The following RBFOX1 variants were observed in gnomAD, a reference collection of about 807,000 sequenced individuals.
RBFOX1 encodes the protein RNA binding protein fox-1 homolog 1.
In RBFOX1, 8 loss-of-function variants were observed where a neutral mutation model predicts 57.7. The ratio of observed to expected loss-of-function variants is 0.14; its 90% CI spans 0.08 to 0.25. The LOEUF is 0.25. Among genes scored for constraint, RBFOX1 ranks in the 10% least tolerant of loss-of-function variants. The pLI is 1.00. For missense variants in RBFOX1, 611 were observed against 548.5 expected (o/e 1.11, Z -1.14); for synonymous variants, 326 against 222.4 (o/e 1.47, Z -4.15).
intron 10 of RBFOX1, chr16:7,614,945 C>G (rs2058180336): frequency 6.6e-6 from 1 of 152,160 alleles, no homozygotes; most frequent in Admixed American, 6.5e-5. Context: ...AGTTTCAACC[C>G]CATGTTTTTT....
At chr16:7,312,993 G>C (rs1354397641) in intron 4 of RBFOX1, among the ~76,000 whole-genome samples, 1 of 152,090 alleles carries the variant, frequency 6.6e-6, no homozygotes, top group Non-Finnish European at 1.5e-5. Flanking sequence ...CGGGGAAGCT[G>C]ACACGTGCAT....
intron 3 of RBFOX1, among the ~76,000 whole-genome samples, chr16:6,847,472 T>C (rs1352080261): frequency 6.6e-6 from 1 of 151,836 alleles, no homozygotes; most frequent in African/African-American, 2.4e-5. Context: ...CCACAGGGGG[T>C]GGGCTGGAAT....
intron 4 of RBFOX1, among the ~76,000 whole-genome samples, chr16:5,944,255 A>G (rs1243719423): frequency 1.3e-5 from 2 of 152,234 alleles, no homozygotes; most frequent in Non-Finnish European, 2.9e-5. Flanking sequence ...TGCACTGTGT[A>G]AGTTCAATCT....
At chr16:5,402,182 CTG>C (rs1225158100) in intron 1 of RBFOX1, among the ~76,000 whole-genome samples, 7 of 152,126 alleles carry the variant, frequency 4.6e-5, no homozygotes, top group Admixed American at 4.6e-4. Context: ...GAGAGGGACT[CTG>C]TGACAGGCTG....
At chr16:6,951,828 G>A (rs1051636375) in intron 3 of RBFOX1, among the ~76,000 whole-genome samples, 1 of 152,228 alleles carries the variant, frequency 6.6e-6, no homozygotes, top group East Asian at 1.9e-4. Context: ...CCGCCTCCTG[G>A]GTTCAAGCGA....
At chr16:5,535,857 T>C (rs2044672396) in intron 2 of RBFOX1, among the ~76,000 whole-genome samples, 1 of 152,168 alleles carries the variant, frequency 6.6e-6, no homozygotes, top group Admixed American at 6.5e-5. Context: ...TACTATCTAA[T>C]TTGGGCTACT....
At chr16:5,503,183 C>G (rs996786581) in intron 2 of RBFOX1, among the ~76,000 whole-genome samples, 1 of 152,158 alleles carries the variant, frequency 6.6e-6, no homozygotes, top group African/African-American at 2.4e-5. Context: ...GAATTAACAT[C>G]TCTGTGCCAC....
At chr16:7,070,305 G>A (rs562576785) in intron 4 of RBFOX1, among the ~76,000 whole-genome samples, 1 of 152,266 alleles carries the variant, frequency 6.6e-6, no homozygotes, top group East Asian at 1.9e-4. Flanking sequence ...TTTGCAGGTT[G>A]CTTTTAACAA....
At chr16:7,386,490 C>G (rs1239872331) in intron 4 of RBFOX1, among the ~76,000 whole-genome samples, 3 of 146,492 alleles carry the variant, frequency 2.0e-5, no homozygotes, top group African/African-American at 7.5e-5. Context: ...ATTTTCTGTT[C>G]TTGTGTTAGT....
At chr16:5,951,173 C>T (rs1270293806) in intron 4 of RBFOX1, among the ~76,000 whole-genome samples, 1 of 152,148 alleles carries the variant, frequency 6.6e-6, no homozygotes, top group Non-Finnish European at 1.5e-5. Flanking sequence ...TTTGGCCGGG[C>T]ACAGTGGCTC....
intron 1 of RBFOX1, among the ~76,000 whole-genome samples, chr16:6,212,295 A>G (rs190125385): frequency 4.7e-4 from 71 of 152,346 alleles, no homozygotes; most frequent in African/African-American, 1.7e-3. Context: ...AGAATTGTAT[A>G]TAGACACATT....
intron 4 of RBFOX1, among the ~76,000 whole-genome samples, chr16:7,236,906 C>T (rs145002430): frequency 1.3e-5 from 2 of 152,206 alleles, no homozygotes; most frequent in Admixed American, 1.3e-4. Flanking sequence ...GGGAGGATTT[C>T]TAGCAACATT....
intron 1 of RBFOX1, chr16:5,366,664 C>G (rs1426411180): frequency 4.6e-6 from 2 of 431,720 alleles, no homozygotes; most frequent in Non-Finnish European, 8.8e-6. Flanking sequence ...TATTCCCGAT[C>G]TCTGGCAGTG....
chr16:6,735,352 A>G (rs577750501), intron 3 of RBFOX1, among the ~76,000 whole-genome samples: 2 of 152,378 alleles, frequency 1.3e-5, no homozygotes, highest in African/African-American at 4.8e-5. Flanking sequence ...TAGTGCCGTC[A>G]GCTAGGGAGC....
intron 2 of RBFOX1, among the ~76,000 whole-genome samples, chr16:6,651,302 C>T (rs2098593471): frequency 6.6e-6 from 1 of 152,200 alleles, no homozygotes; most frequent in Admixed American, 6.5e-5. Flanking sequence ...TGCAACGGCC[C>T]CAGGTCGCCA....
intron 3 of RBFOX1, among the ~76,000 whole-genome samples, chr16:6,788,577 G>T (rs975259697): frequency 6.6e-6 from 1 of 151,824 alleles, no homozygotes; most frequent in Non-Finnish European, 1.5e-5. Flanking sequence ...CTGGGTTCAC[G>T]CCATTCTCCT....
At chr16:7,097,023 C>T (rs991122500) in intron 4 of RBFOX1, among the ~76,000 whole-genome samples, 1 of 151,236 alleles carries the variant, frequency 6.6e-6, no homozygotes, top group Non-Finnish European at 1.5e-5. Flanking sequence ...CGAAATGAAT[C>T]CTGGTTTGGT....
At chr16:7,493,123 C>T (rs960930122) in intron 4 of RBFOX1, among the ~76,000 whole-genome samples, 1 of 152,298 alleles carries the variant, frequency 6.6e-6, no homozygotes, top group Non-Finnish European at 1.5e-5. Context: ...AGGGGATTCG[C>T]CCGCCTCTGC....
chr16:5,497,063 A>G (rs1367272918), intron 2 of RBFOX1, among the ~76,000 whole-genome samples: 1 of 152,236 alleles, frequency 6.6e-6, no homozygotes, highest in Admixed American at 6.5e-5. Context: ...ATCGTTTTTT[A>G]TCCAGACAAT....
Sources: allele counts gnomAD v4.1 joint callset (sites outside exome capture counted in the v4.1 genomes callset), GRCh38; gene constraint gnomAD v4.1.1; transcripts MANE v1.5; gene names NCBI Gene and HGNC (gene_info 2026-07-23, HGNC 2026-07-21).